PTPN22: variants seen among roughly 807,000 people sequenced by gnomAD.
PTPN22 encodes tyrosine-protein phosphatase non-receptor type 22.
PTPN22 carries 85 observed loss-of-function variants against 103.3 expected under a neutral mutation model. The observed-to-expected ratio is 0.82, with a 90% CI of 0.69 to 0.99. The LOEUF (loss-of-function observed/expected upper bound fraction) is 0.99, where lower values mean the gene tolerates loss of function less well. Among genes scored for constraint, PTPN22 ranks in the 50% least tolerant of loss-of-function variants. The probability of loss-of-function intolerance (pLI) is 0.00; values close to 1 mark genes in which losing one functional copy is unlikely to be tolerated. For synonymous variants in PTPN22, 323 were observed against 310.2 expected, an observed-to-expected ratio of 1.04 and a Z score of -0.43; for missense variants, 865 against 936.9, an observed-to-expected ratio of 0.92 and a Z score of 1.00.
intron 7 of PTPN22, among the ~76,000 whole-genome samples, chr1:113,856,152 C>A (rs55646484): frequency 0.16 from 23,770 of 152,076 alleles, 2,112 homozygotes; most frequent in East Asian, 0.23. Flanking sequence ...CTAGCTGGAA[C>A]CACAGGCATG....
chr1:113,851,161 T>TC (rs1413653086), intron 10 of PTPN22, among the ~76,000 whole-genome samples: 1 of 151,470 alleles, frequency 6.6e-6, no homozygotes, highest in African/African-American at 2.4e-5. Context: ...TTGTAATTTT[T>TC]TTTTTTTTTG....
chr1:113,815,058 C>T (rs919757069), intron 20 of PTPN22, 89 bp from the exon 21 acceptor site: 2 of 907,470 alleles, frequency 2.2e-6, no homozygotes, highest in African/African-American at 3.4e-5. Context: ...ATAATATATG[C>T]AAATACATGG....
At chr1:113,825,198 T>G (rs754748193) in intron 18 of PTPN22, 26 bp from the exon 19 acceptor site, 3 of 1,393,974 alleles carry the variant, frequency 2.2e-6, no homozygotes, top group Non-Finnish European at 2.9e-6. Context: ...AAAATGTTAG[T>G]TTTTTTTCCT....
At chr1:113,848,033 C>T (rs1372446699) in intron 11 of PTPN22, among the ~76,000 whole-genome samples, 1 of 151,964 alleles carries the variant, frequency 6.6e-6, no homozygotes, top group African/African-American at 2.4e-5. Context: ...CCTTGCCCAG[C>T]CAAGAGATTA....
At chr1:113,822,750 A>T (rs1277008131) in intron 19 of PTPN22, among the ~76,000 whole-genome samples, 1 of 152,156 alleles carries the variant, frequency 6.6e-6, no homozygotes, top group Non-Finnish European at 1.5e-5. Context: ...TCATAAGGTC[A>T]GGAGATCAAG....
At chr1:113,847,494 G>A (rs1281143090) in intron 11 of PTPN22, among the ~76,000 whole-genome samples, 2 of 146,176 alleles carry the variant, frequency 1.4e-5, no homozygotes, top group African/African-American at 5.1e-5. Context: ...CTGGTTCTTG[G>A]TATAATAAGT....
At chr1:113,849,388 A>C (rs1419945444) in intron 10 of PTPN22, among the ~76,000 whole-genome samples, 6 of 152,178 alleles carry the variant, frequency 3.9e-5, no homozygotes, top group Non-Finnish European at 8.8e-5. Context: ...TTTCTCAAGC[A>C]CTTAATTTTG....
At chr1:113,816,145 T>C (rs895194873) in intron 20 of PTPN22, among the ~76,000 whole-genome samples, 2 of 152,172 alleles carry the variant, frequency 1.3e-5, no homozygotes, top group Non-Finnish European at 2.9e-5. Flanking sequence ...CTTAAAAAAC[T>C]GATGTAAGGA....
In PTPN22 at chr1:113,844,560, AG is replaced by A. The variant is rs1333576366; in HGVS notation, c.915+3979del. ...TCTTTTTCTATATTCTTGGAGTGACAGCTTAGATTATTGAGACCTATACTGT... is the reference window on the plus strand; with the variant it reads ...TCTTTTTCTATATTCTTGGAGTGACACTTAGATTATTGAGACCTATACTGT... On this transcript the variant is annotated intron_variant, in intron 11 of 20. Coordinates refer to ENST00000359785, the Ensembl canonical transcript of PTPN22. Among the ~76,000 whole-genome samples the A allele has an allele frequency of 8.5e-5, 13 of 152,294 alleles. 1 individual carries two copies. Among genetic ancestry groups the A allele is most frequent in the Admixed American group, 4.6e-4 (7 of 15,300 alleles).
chr1:113,855,480 G>C (rs1235483324), intron 7 of PTPN22, among the ~76,000 whole-genome samples: 3 of 135,518 alleles, frequency 2.2e-5, no homozygotes, highest in Non-Finnish European at 4.6e-5. Context: ...CTCCAGACTG[G>C]GTGACAGAGC....
intron 9 of PTPN22, among the ~76,000 whole-genome samples, chr1:113,853,859 C>CTTTTTTTT (rs894010114): frequency 3.4e-4 from 23 of 67,150 alleles, no homozygotes; most frequent in Middle Eastern, 0.017. Context: ...TTTTTTTTTG[C>CTTTTTTTT]TTTTTTTTTT....
chr1:113,836,790 G>T (rs1250428834), intron 13 of PTPN22, among the ~76,000 whole-genome samples: 1 of 152,010 alleles, frequency 6.6e-6, no homozygotes, highest in Non-Finnish European at 1.5e-5. Context: ...GCCAGGCATG[G>T]TGGCGTGTCC....
At chr1:113,858,944 T>C in intron 3 of PTPN22, 58 bp downstream of exon 3, 1 of 1,576,828 alleles carries the variant, frequency 6.3e-7, no homozygotes, top group Non-Finnish European at 8.6e-7. Context: ...CAGCCAGCCC[T>C]CCCCTTTTTT....
At chr1:113,819,071 A>G (rs183734507) in intron 20 of PTPN22, among the ~76,000 whole-genome samples, 176 of 152,370 alleles carry the variant, frequency 1.2e-3, no homozygotes, top group Non-Finnish European at 2.2e-3. Context: ...TATGTATCAC[A>G]TAGGACAATA....
chr1:113,858,088 C>T (rs998151566), intron 4 of PTPN22: 8 of 201,484 alleles, frequency 4.0e-5, no homozygotes, highest in Admixed American at 1.2e-4. Flanking sequence ...GACAGGGTCT[C>T]ATTCTGTCAC....
chr1:113,863,493 G>C (rs1665804234), intron 1 of PTPN22, among the ~76,000 whole-genome samples: 2 of 152,198 alleles, frequency 1.3e-5, no homozygotes, highest in Non-Finnish European at 2.9e-5. Flanking sequence ...AGCTTCAGAG[G>C]TGATGTGATA....
intron 19 of PTPN22, among the ~76,000 whole-genome samples, chr1:113,821,781 G>C: frequency 6.6e-6 from 1 of 152,220 alleles, no homozygotes; most frequent in East Asian, 1.9e-4. Context: ...CCTATAACTA[G>C]GGCTGATTTT....
intron 9 of PTPN22, 139 bp from the exon 10 acceptor site, chr1:113,852,243 A>T: frequency 1.6e-6 from 1 of 632,202 alleles, no homozygotes; most frequent in East Asian, 2.9e-5. Flanking sequence ...TTTTAAAACA[A>T]ATGAGGTTTC....
intron 5 of PTPN22, 109 bp downstream of exon 5, chr1:113,857,626 AGAT>A: frequency 1.1e-6 from 1 of 943,802 alleles, no homozygotes. Flanking sequence ...AAAACTATGA[AGAT>A]GACATAAGTT....
Sources: gnomAD v4.1 joint callset for allele counts (sites outside exome capture counted in the v4.1 genomes callset) on GRCh38, gnomAD v4.1.1 for gene constraint, MANE v1.5 for transcripts, NCBI Gene and HGNC (gene_info 2026-07-23, HGNC 2026-07-21) for gene names.